Variants in LPIN1 observed in about 807,000 individuals in gnomAD.
LPIN1 encodes lipin 1.
In LPIN1, 71 loss-of-function variants were observed where a neutral mutation model predicts 107.5. That is an observed-to-expected ratio of 0.66 (90% CI 0.55 to 0.80). The LOEUF (loss-of-function observed/expected upper bound fraction) is 0.80, where lower values mean the gene tolerates loss of function less well. Ranked by LOEUF, LPIN1 falls within the 30% of genes least tolerant of loss-of-function variation. The pLI, the probability that LPIN1 is intolerant of heterozygous loss-of-function variation, is 0.00. For missense variants in LPIN1, 1,043 were observed against 1,160.6 expected (o/e 0.90, Z 1.47); for synonymous variants, 445 against 452.6 (o/e 0.98, Z 0.21).
At position 11,685,088 on chromosome 2, in the gene LPIN1, A is replaced by G. The variant is rs1049768054; in HGVS notation, c.81+7360A>G. On this transcript the variant is annotated intron_variant, in intron 1 of 21. Coordinates refer to the LPIN1 transcript ENST00000449576. Reference sequence around the variant, plus strand: ...GCAACGGGGAGCCCGAGACGGGAGGATGACGTAATTTTCAATGGGGAGGTT... The same window carrying G: ...GCAACGGGGAGCCCGAGACGGGAGGGTGACGTAATTTTCAATGGGGAGGTT... 5.3e-5 allele frequency among the ~76,000 whole-genome samples: 8 copies of G among 152,248 alleles called. No homozygotes were observed. In the East Asian group the frequency reaches 1.4e-3, roughly 26 times the overall value.
intron 3 of LPIN1, among the ~76,000 whole-genome samples, chr2:11,769,634 G>A (rs1436262816): frequency 6.6e-6 from 1 of 151,524 alleles, no homozygotes; most frequent in Non-Finnish European, 1.5e-5. Context: ...AATGTATTCT[G>A]TTTTTTCTTT....
chr2:11,788,491 A>G (rs756282262), intron 12 of LPIN1, 35 bp downstream of exon 12: 2 of 1,495,620 alleles, frequency 1.3e-6, no homozygotes, highest in Non-Finnish European at 9.3e-7. Flanking sequence ...AGGGGATGCT[A>G]GAAATGATGG....
intron 14 of LPIN1, among the ~76,000 whole-genome samples, chr2:11,797,573 T>C (rs940381713): frequency 6.6e-5 from 10 of 152,248 alleles, no homozygotes; most frequent in Admixed American, 3.3e-4. Flanking sequence ...TTGGAACTTT[T>C]AAATTTAATG....
chr2:11,765,834 T>C lies in LPIN1; in HGVS notation c.192+101T>C, dbSNP rs1670783012. 1 of 1,047,776 alleles carries C rather than the reference T, an allele frequency of 9.5e-7. No individual in the cohort carries two copies. The highest frequency in any genetic ancestry group is 1.6e-5 in the African/African-American group (1 of 62,544). 64.9% of individuals were successfully genotyped at this position (1,047,776 alleles called of 1,614,324 possible). On this transcript the variant is annotated intron_variant, in intron 2 of 20. Coordinates refer to ENST00000674199, the MANE Select transcript of LPIN1 (RefSeq NM_001349206.2). The surrounding 1 kb of genome is among the most constrained non-coding windows in gnomAD (Gnocchi z 4.4). Reference sequence around the variant, plus strand: ...TCTTGAACTCTCAGACCCAGAGTTTTAGGTCTTCGTTGGAAATGGCCAGTC... The same window carrying C: ...TCTTGAACTCTCAGACCCAGAGTTTCAGGTCTTCGTTGGAAATGGCCAGTC...
chr2:11,719,121 T>A (rs952969230), intron 2 of LPIN1, among the ~76,000 whole-genome samples: 1 of 152,224 alleles, frequency 6.6e-6, no homozygotes, highest in Non-Finnish European at 1.5e-5. Context: ...ATGAATGAAA[T>A]AGCAACCCAA....
At chr2:11,737,445 G>A (rs1239712722) in intron 1 of LPIN1, among the ~76,000 whole-genome samples, 1 of 152,108 alleles carries the variant, frequency 6.6e-6, no homozygotes, top group Non-Finnish European at 1.5e-5. Context: ...GAGTGAACAG[G>A]CAACCTACAG....
intron 20 of LPIN1, among the ~76,000 whole-genome samples, chr2:11,823,930 A>C (rs1022112772): frequency 6.6e-6 from 1 of 152,208 alleles, no homozygotes; most frequent in Admixed American, 6.5e-5. Flanking sequence ...AGCAAGCAGG[A>C]GAGCCCGGGT....
intron 1 of LPIN1, among the ~76,000 whole-genome samples, chr2:11,762,038 C>G (rs1669916655): frequency 6.6e-6 from 1 of 152,042 alleles, no homozygotes; most frequent in Non-Finnish European, 1.5e-5. Flanking sequence ...ACTTCAGATG[C>G]CAGTCACAGT....
chr2:11,762,730 G>A (rs1210493817), intron 1 of LPIN1, among the ~76,000 whole-genome samples: 1 of 152,164 alleles, frequency 6.6e-6, no homozygotes, highest in Non-Finnish European at 1.5e-5. Flanking sequence ...TGGATCTGGG[G>A]ATGAAGACCA....
rs1379773944 is a variant in LPIN1 at position 11,697,244 on chromosome 2, GC to G, written c.82-16507del. 7.2e-5 allele frequency among the ~76,000 whole-genome samples: 11 copies of G among 152,332 alleles called. No homozygotes were observed. Among genetic ancestry groups the G allele is most frequent in the Middle Eastern group, 3.4e-3 (1 of 294 alleles). On this transcript the variant is annotated intron_variant, in intron 1 of 21. Transcript: ENST00000449576. This position sits in a 1 kb window ranked among gnomAD's most constrained non-coding sequence, Gnocchi z 4.6. ...GAGGGCTGCGTGCTCCCCCTGATCA[GC>G]CCCCAGCTGCTTCTGGATACAACCG...
chr2:11,719,791 C>CTTTTT (rs67142448), upstream of LPIN1, among the ~76,000 whole-genome samples: 4 of 132,754 alleles, frequency 3.0e-5, no homozygotes, highest in Non-Finnish European at 4.7e-5. Context: ...CCAATTGCTT[C>CTTTTT]TTTTTTTTTT....
rs572527039 is a variant in LPIN1 at position 11,707,648 on chromosome 2, C to A, written c.82-6108C>A. ...CTGGGACTGGGTGGTGGTGCACGCA[C>A]GGGGAGAAGTGCTCGGGGTCCCCCA... On this transcript the variant is annotated intron_variant, in intron 1 of 21. Coordinates refer to the LPIN1 transcript ENST00000449576. The surrounding 1 kb of genome is among the most constrained non-coding windows in gnomAD (Gnocchi z 4.2). Among the ~76,000 whole-genome samples the A allele has an allele frequency of 4.6e-5, 7 of 152,060 alleles. No homozygotes were observed. Among genetic ancestry groups the A allele is most frequent in the African/African-American group, 1.7e-4 (7 of 41,422 alleles).
chr2:11,754,979 T>A (rs1668434844), intron 1 of LPIN1, among the ~76,000 whole-genome samples: 1 of 151,196 alleles, frequency 6.6e-6, no homozygotes, highest in Non-Finnish European at 1.5e-5. Context: ...TCTTCTAATT[T>A]TTTTTTTTTT....
chr2:11,823,885 G>C lies in LPIN1; in HGVS notation c.2622-747G>C, dbSNP rs1374789837. Among the ~76,000 whole-genome samples the C allele has an allele frequency of 2.6e-5, 4 of 152,144 alleles. No individual in the cohort carries two copies. In the East Asian group the frequency reaches 5.8e-4, roughly 22 times the overall value. On this transcript the variant is annotated intron_variant, in intron 20 of 20. Coordinates refer to ENST00000674199, the MANE Select transcript of LPIN1 (RefSeq NM_001349206.2). ...AGCTCCACAGACTATAAAGACGAAGGGCTCCAAGAGGGCAAGACAATTGTC... is the reference window on the plus strand; with the variant it reads ...AGCTCCACAGACTATAAAGACGAAGCGCTCCAAGAGGGCAAGACAATTGTC...
In LPIN1 at chr2:11,798,353, A is replaced by G. The variant is rs542342921; in HGVS notation, c.1886+2866A>G. ...AGGACAGCAACTGGGAGGGGCCCGTACACAGTGGGCACAGTGGCATTGCTG... is the reference window on the plus strand; with the variant it reads ...AGGACAGCAACTGGGAGGGGCCCGTGCACAGTGGGCACAGTGGCATTGCTG... On this transcript the variant is annotated intron_variant, in intron 14 of 20. Coordinates refer to ENST00000674199, the MANE Select transcript of LPIN1 (RefSeq NM_001349206.2). 9.8e-5 allele frequency among the ~76,000 whole-genome samples: 15 copies of G among 152,306 alleles called. No homozygotes were observed. The South Asian group carries it at 3.1e-3, about 32-fold the overall frequency.
Position 11,826,154 on chromosome 2 carries a change from C to G in LPIN1, c.*1363C>G, listed in dbSNP as rs1241268385. ...CATTATTTTTTTAAAGAGTGTTTTA[C>G]TCCAACGATTGAAACATTTTCCTAT... On this transcript the variant is annotated 3_prime_UTR_variant, in exon 21 of 21. Coordinates refer to ENST00000674199, the MANE Select transcript of LPIN1 (RefSeq NM_001349206.2). 1 of 152,602 alleles carries G rather than the reference C, an allele frequency of 6.6e-6. No homozygotes were observed. The highest frequency in any genetic ancestry group is 1.5e-5 in the Non-Finnish European group (1 of 68,042). 9.5% of individuals were successfully genotyped at this position (152,602 alleles called of 1,614,324 possible).
Position 11,734,653 on chromosome 2 carries a change from G to A in LPIN1, c.-71-6696G>A, listed in dbSNP as rs963494402. ...CTTCTCATGGAAGGTAGAAGATGGG[G>A]TGCTGTCTTCCCTGATGTTTACATT... On this transcript the variant is annotated intron_variant, in intron 1 of 21. Coordinates refer to the LPIN1 transcript ENST00000396097. 2.5e-4 allele frequency among the ~76,000 whole-genome samples: 38 copies of A among 152,286 alleles called. 1 individual carries two copies. The highest frequency in any genetic ancestry group is 8.7e-4 in the African/African-American group (36 of 41,566).
At chr2:11,752,504 T>C (rs1437209920) in intron 1 of LPIN1, among the ~76,000 whole-genome samples, 1 of 133,276 alleles carries the variant, frequency 7.5e-6, no homozygotes, top group Non-Finnish European at 1.5e-5. Flanking sequence ...GGATCTCGGC[T>C]CACTGCAAGC....
intron 1 of LPIN1, among the ~76,000 whole-genome samples, chr2:11,699,371 T>A (rs752945208): frequency 4.6e-5 from 7 of 152,192 alleles, no homozygotes; most frequent in Admixed American, 1.3e-4. Flanking sequence ...TAAGTTGATG[T>A]CAGGGTCGAC....
Sources: allele counts gnomAD v4.1 joint callset (sites outside exome capture counted in the v4.1 genomes callset), GRCh38; gene constraint gnomAD v4.1.1; non-coding constraint Gnocchi (gnomAD v3.1); transcripts MANE v1.5; gene names NCBI Gene and HGNC (gene_info 2026-07-23, HGNC 2026-07-21).